Variants in TRIM71 observed in about 807,000 individuals in gnomAD.
The protein encoded by TRIM71 is tripartite motif containing 71.
TRIM71 carries 9 observed loss-of-function variants against 61.2 expected under a neutral mutation model. The ratio of observed to expected loss-of-function variants is 0.15; its 90% CI spans 0.09 to 0.26. The LOEUF is 0.26. Among genes scored for constraint, TRIM71 ranks in the 10% least tolerant of loss-of-function variants. The pLI is 1.00. For synonymous variants in TRIM71, 645 were observed against 553.2 expected, an observed-to-expected ratio of 1.17 and a Z score of -2.33; for missense variants, 998 against 1,238.7, an observed-to-expected ratio of 0.81 and a Z score of 2.92.
At chr3:32,832,199 G>T (rs1433101411) in intron 1 of TRIM71, among the ~76,000 whole-genome samples, 2 of 152,174 alleles carry the variant, frequency 1.3e-5, no homozygotes, top group Admixed American at 6.5e-5. Flanking sequence ...ATGCACAGTG[G>T]TTCATGCCTG....
intron 1 of TRIM71, among the ~76,000 whole-genome samples, chr3:32,826,684 G>T (rs1249259650): frequency 7.2e-6 from 1 of 138,008 alleles, no homozygotes; most frequent in Non-Finnish European, 1.5e-5. Flanking sequence ...GACCTCAAAT[G>T]GTCCACCCAC....
chr3:32,878,209 A>G (rs960282132), intron 2 of TRIM71, among the ~76,000 whole-genome samples: 5 of 152,256 alleles, frequency 3.3e-5, no homozygotes, highest in Non-Finnish European at 7.3e-5. Flanking sequence ...GTCCTTGTGC[A>G]TCTCTAGCAG....
chr3:32,881,201 T>C (rs1322469204), intron 2 of TRIM71, among the ~76,000 whole-genome samples: 2 of 152,066 alleles, frequency 1.3e-5, no homozygotes, highest in African/African-American at 2.4e-5. Context: ...GTATCTTCAG[T>C]AGAGACGGGG....
intron 1 of TRIM71, among the ~76,000 whole-genome samples, chr3:32,850,780 C>T (rs796712900): frequency 3.9e-5 from 6 of 152,224 alleles, no homozygotes; most frequent in African/African-American, 1.4e-4. Flanking sequence ...GGGGACCATT[C>T]GCTGCCCTAT....
At chr3:32,831,816 G>A (rs1292648297) in intron 1 of TRIM71, among the ~76,000 whole-genome samples, 1 of 152,094 alleles carries the variant, frequency 6.6e-6, no homozygotes, top group African/African-American at 2.4e-5. Context: ...GGGATTACAG[G>A]CATGAGCCAT....
At chr3:32,854,749 C>T (rs1696577299) in intron 1 of TRIM71, among the ~76,000 whole-genome samples, 1 of 152,162 alleles carries the variant, frequency 6.6e-6, no homozygotes, top group African/African-American at 2.4e-5. Flanking sequence ...ACAGTGCTAA[C>T]CACCCACTTA....
chr3:32,884,738 T>G (rs533251734), intron 2 of TRIM71, among the ~76,000 whole-genome samples: 48 of 152,178 alleles, frequency 3.2e-4, no homozygotes, highest in Non-Finnish European at 6.8e-4. Flanking sequence ...ACATACTAAG[T>G]GTGACTAATG....
chr3:32,852,648 A>G (rs545485275), intron 1 of TRIM71, among the ~76,000 whole-genome samples: 2 of 152,302 alleles, frequency 1.3e-5, no homozygotes, highest in Admixed American at 6.5e-5. Context: ...TGAAAAAAAG[A>G]AAGCAGCTGA....
Position 32,818,851 on chromosome 3 carries a change from GCCGCCCTTTCCCGGC to G in TRIM71, c.780_794del (p.Pro261_Phe265del). The stretch of plus-strand genomic sequence containing the variant: ...CAGCGGCGCAGCAGCTCGGGCTCGG[GCCGCCCTTTCCCGGC>G]CCGCCCTTCTCCATCCTCTCAGTGT... On this transcript the variant is annotated inframe_deletion, in exon 1 of 4. Transcript: ENST00000383763. 3 of 1,612,262 alleles carry G rather than the reference GCCGCCCTTTCCCGGC, an allele frequency of 1.9e-6. No individual in the cohort carries two copies. The highest frequency in any genetic ancestry group is 2.5e-6 in the Non-Finnish European group (3 of 1,179,726).
chr3:32,877,229 G>A (rs1040352775), intron 2 of TRIM71, among the ~76,000 whole-genome samples: 5 of 151,980 alleles, frequency 3.3e-5, no homozygotes, highest in South Asian at 4.2e-4. Flanking sequence ...TCAGCCTCCC[G>A]AGTAGCTGGG....
intron 3 of TRIM71, among the ~76,000 whole-genome samples, chr3:32,886,817 T>C (rs370911434): frequency 6.6e-6 from 1 of 152,222 alleles, no homozygotes; most frequent in East Asian, 1.9e-4. Flanking sequence ...AAGTGAACTT[T>C]GCTAACTACT....
chr3:32,849,157 C>T (rs1696509637), intron 1 of TRIM71, among the ~76,000 whole-genome samples: 1 of 152,080 alleles, frequency 6.6e-6, no homozygotes, highest in Non-Finnish European at 1.5e-5. Context: ...AAAATAAGCC[C>T]CTCAGTTTGG....
At chr3:32,827,527 C>T (rs1239092122) in intron 1 of TRIM71, among the ~76,000 whole-genome samples, 2 of 152,158 alleles carry the variant, frequency 1.3e-5, no homozygotes, top group South Asian at 4.1e-4. Flanking sequence ...TCCCAAAGTG[C>T]TGGGATTACA....
chr3:32,841,105 C>T (rs1343912724), intron 1 of TRIM71, among the ~76,000 whole-genome samples: 7 of 151,950 alleles, frequency 4.6e-5, no homozygotes, highest in Admixed American at 3.3e-4. Flanking sequence ...ATTAGCCGGG[C>T]GTGGTGGCGG....
In TRIM71 at chr3:32,891,206, G is replaced by T; in HGVS notation, c.2002G>T (p.Val668Leu). The change falls in exon 4 of 4, where the codon GTG becomes TTG. Residue 668 changes from valine (V) to leucine (L), a missense_variant. Around this residue, in one of 5 missense-constraint regions of TRIM71, gnomAD observed 83 missense variants for 202.7 expected, o/e 0.41. Coordinates refer to ENST00000383763, the MANE Select transcript of TRIM71 (RefSeq NM_001039111.3). The surrounding 1 kb of genome is among the most constrained non-coding windows in gnomAD (Gnocchi z 8.2). ...GGCCTGTGACGCCTCACGCAGGATC[G>T]TGGTGGCTGACAAGGACAATCATCG... is the stretch of plus-strand genomic sequence containing the variant. Reference protein sequence around the residue: ...GVACDASRRIVVADKDNHRIQ... With the variant: ...GVACDASRRILVADKDNHRIQ... The T allele has an allele frequency of 6.2e-7, 1 of 1,613,404 alleles. No homozygotes were observed. Among genetic ancestry groups the T allele is most frequent in the Non-Finnish European group, 8.5e-7 (1 of 1,179,630 alleles).
intron 1 of TRIM71, among the ~76,000 whole-genome samples, chr3:32,856,628 A>G (rs1696607732): frequency 6.6e-6 from 1 of 152,152 alleles, no homozygotes; most frequent in Admixed American, 6.5e-5. Flanking sequence ...CTGCAGAGGA[A>G]TTTGGGACAT....
intron 2 of TRIM71, among the ~76,000 whole-genome samples, chr3:32,879,342 G>A (rs765490601): frequency 5.1e-4 from 78 of 152,258 alleles, no homozygotes; most frequent in Middle Eastern, 3.4e-3. Context: ...ACTTTACTTT[G>A]CAATCACAGC....
intron 1 of TRIM71, among the ~76,000 whole-genome samples, chr3:32,865,295 G>C (rs1457223680): frequency 6.6e-6 from 1 of 152,130 alleles, no homozygotes; most frequent in Non-Finnish European, 1.5e-5. Context: ...CACCACTGCA[G>C]TCCAGCGTAG....
chr3:32,865,967 C>T (rs111660111), intron 1 of TRIM71, among the ~76,000 whole-genome samples: 2,457 of 151,696 alleles, frequency 0.016, 71 homozygotes, highest in African/African-American at 0.057. Flanking sequence ...GTTGAGATTA[C>T]TGATGCCCGT....
Sources: gnomAD v4.1 joint callset for allele counts (sites outside exome capture counted in the v4.1 genomes callset) on GRCh38, gnomAD v4.1.1 for gene constraint, gnomAD v4.1.1 regional missense constraint, Gnocchi (gnomAD v3.1) non-coding constraint, MANE v1.5 for transcripts, NCBI Gene and HGNC (gene_info 2026-07-23, HGNC 2026-07-21) for gene names.